The following LANCL3 variants were observed in gnomAD, a reference collection of about 807,000 sequenced individuals.
LANCL3 encodes the protein LanC like family member 3.
A neutral mutation model predicts 26.5 loss-of-function variants in LANCL3; 19 were observed. The observed-to-expected ratio is 0.72, with a 90% CI of 0.50 to 1.05. The LOEUF (loss-of-function observed/expected upper bound fraction) is 1.05. LANCL3 is among the 50% of genes least tolerant of loss of function. The probability of loss-of-function intolerance (pLI) is 0.00; values close to 1 mark genes in which losing one functional copy is unlikely to be tolerated. For synonymous variants in LANCL3, 160 were observed against 166.6 expected, an observed-to-expected ratio of 0.96 and a Z score of 0.30; for missense variants, 318 against 362.7, an observed-to-expected ratio of 0.88 and a Z score of 1.00.
At chrX:37,572,863 T>G (rs782626032) in intron 1 of LANCL3, among the ~76,000 whole-genome samples, 1 of 112,039 alleles carries the variant, frequency 8.9e-6, no homozygotes, top group Non-Finnish European at 1.9e-5. Context: ...GGGGCCGATG[T>G]GGAGGTAAGT....
chrX:37,610,730 A>G (rs1924844608), intron 1 of LANCL3, among the ~76,000 whole-genome samples: 1 of 112,244 alleles, frequency 8.9e-6, no homozygotes, highest in Non-Finnish European at 1.9e-5. Flanking sequence ...AGAGAAGCAG[A>G]AGTTGCAAAT....
intron 1 of LANCL3, among the ~76,000 whole-genome samples, chrX:37,611,966 C>T (rs1275551523): frequency 2.7e-5 from 3 of 109,284 alleles, no homozygotes; most frequent in East Asian, 2.8e-4. Flanking sequence ...GTTGGAGTTT[C>T]GCTCTCGTCT....
intron 1 of LANCL3, among the ~76,000 whole-genome samples, chrX:37,598,989 A>T (rs188334445): frequency 2.1e-4 from 24 of 112,459 alleles, no homozygotes; most frequent in East Asian, 5.5e-4. Flanking sequence ...AGATTTTTTT[A>T]AAAAAGTATA....
intron 1 of LANCL3, among the ~76,000 whole-genome samples, chrX:37,604,684 G>A (rs1170460548): frequency 1.8e-5 from 2 of 112,090 alleles, no homozygotes; most frequent in Non-Finnish European, 3.8e-5. Context: ...AAAATCAAGA[G>A]CAGGGATGGA....
At chrX:37,597,713 C>T (rs1299704854) in intron 1 of LANCL3, among the ~76,000 whole-genome samples, 12 of 80,672 alleles carry the variant, frequency 1.5e-4, no homozygotes, top group African/African-American at 5.9e-4. Context: ...GCAGGGTTCT[C>T]GCTATATTGC....
chrX:37,622,773 C>A (rs1925204122), intron 1 of LANCL3, among the ~76,000 whole-genome samples: 2 of 111,974 alleles, frequency 1.8e-5, no homozygotes, highest in Non-Finnish European at 1.9e-5. Context: ...GATGTTCTTA[C>A]TTTTAGGTAC....
intron 1 of LANCL3, among the ~76,000 whole-genome samples, chrX:37,596,661 T>G (rs1924437844): frequency 8.9e-6 from 1 of 112,164 alleles, no homozygotes; most frequent in Non-Finnish European, 1.9e-5. Flanking sequence ...TTTGCTTTCT[T>G]AAGTTTCATT....
chrX:37,651,841 A>G (rs1216987821), intron 1 of LANCL3, among the ~76,000 whole-genome samples: 2 of 109,620 alleles, frequency 1.8e-5, no homozygotes, highest in African/African-American at 3.3e-5. Context: ...TATGAGTGAG[A>G]ACATGTGGTG....
chrX:37,601,479 T>A (rs782653050), intron 1 of LANCL3, among the ~76,000 whole-genome samples: 4 of 112,182 alleles, frequency 3.6e-5, no homozygotes, highest in Non-Finnish European at 7.5e-5. Flanking sequence ...TGAGGGCAAA[T>A]GCTAGATTCC....
intron 1 of LANCL3, among the ~76,000 whole-genome samples, chrX:37,632,353 A>G (rs1158505980): frequency 9.0e-6 from 1 of 111,285 alleles, no homozygotes; most frequent in Non-Finnish European, 1.9e-5. Context: ...GTGTCTCTGC[A>G]TGTGAGATGG....
chrX:37,681,407 T>C lies in LANCL3; in HGVS notation c.*5594T>C, dbSNP rs1556438698. The C allele has an allele frequency of 8.9e-6, 1 of 111,872 alleles. No homozygotes were observed. The highest frequency in any genetic ancestry group is 1.9e-5 in the Non-Finnish European group (1 of 53,186). 9.2% of individuals were successfully genotyped at this position (111,872 alleles called of 1,213,427 possible). A position where few individuals can be genotyped will look rare whatever the true frequency, so the allele number is the denominator to read the frequency against. ...AGCTGCATGTGAGTTGGCTATTGTA[T>C]TGGACAGTCCCATTCCTGTTTCCTA... On this transcript the variant is annotated 3_prime_UTR_variant, in exon 5 of 5. Transcript: ENST00000378619.
chrX:37,572,544 A>G (rs1221339001), intron 1 of LANCL3, 101 bp downstream of exon 1: 1 of 684,085 alleles, frequency 1.5e-6, no homozygotes, highest in Non-Finnish European at 2.2e-6. Context: ...TTGCTCTCCA[A>G]GTCTTTGTTA....
chrX:37,652,293 T>A (rs1602129186), intron 1 of LANCL3, among the ~76,000 whole-genome samples: 1 of 107,464 alleles, frequency 9.3e-6, no homozygotes, highest in East Asian at 3.0e-4. Flanking sequence ...TTTTATTGAC[T>A]TTTTTTTTTC....
At chrX:37,663,581 T>C (rs1276242159) in intron 3 of LANCL3, among the ~76,000 whole-genome samples, 1 of 111,254 alleles carries the variant, frequency 9.0e-6, no homozygotes, top group East Asian at 2.8e-4. Context: ...ATCTGGGTAA[T>C]AGGGAGTCAT....
At chrX:37,656,274 C>T (rs1311511565) in intron 2 of LANCL3, among the ~76,000 whole-genome samples, 1 of 109,849 alleles carries the variant, frequency 9.1e-6, no homozygotes, top group Non-Finnish European at 1.9e-5. Flanking sequence ...AAATTAGTTA[C>T]TCTTCTTTTG....
At chrX:37,612,970 C>A (rs782662908) in intron 1 of LANCL3, among the ~76,000 whole-genome samples, 1 of 111,314 alleles carries the variant, frequency 9.0e-6, no homozygotes, top group South Asian at 3.9e-4. Context: ...ATTGACACTC[C>A]CTGTTTCTAT....
intron 1 of LANCL3, among the ~76,000 whole-genome samples, chrX:37,629,121 CT>C (rs1925402978): frequency 9.3e-6 from 1 of 108,090 alleles, no homozygotes; most frequent in South Asian, 4.2e-4. Flanking sequence ...TGTTTCCTGA[CT>C]TTTTAATGAT....
chrX:37,604,194 C>T (rs782396481), intron 1 of LANCL3, among the ~76,000 whole-genome samples: 1 of 112,504 alleles, frequency 8.9e-6, no homozygotes, highest in South Asian at 3.7e-4. Context: ...AGCAGTGTGA[C>T]AACTGTTGTA....
chrX:37,617,238 G>A (rs782069675), intron 1 of LANCL3, among the ~76,000 whole-genome samples: 2 of 111,122 alleles, frequency 1.8e-5, no homozygotes, highest in South Asian at 3.9e-4. Context: ...AGTTTGAAGT[G>A]CATTTGGCTG....
Sources: allele counts gnomAD v4.1 joint callset (sites outside exome capture counted in the v4.1 genomes callset), GRCh38; gene constraint gnomAD v4.1.1; transcripts MANE v1.5; gene names NCBI Gene and HGNC (gene_info 2026-07-23, HGNC 2026-07-21).